The following TMCC2 variants were observed in gnomAD, a reference collection of about 807,000 sequenced individuals.
TMCC2 encodes the protein transmembrane and coiled-coil domains protein 2.
TMCC2 carries 16 observed loss-of-function variants against 49.4 expected under a neutral mutation model. The observed-to-expected ratio is 0.32, with a 90% CI of 0.22 to 0.49. The LOEUF (loss-of-function observed/expected upper bound fraction) is 0.49, where lower values mean the gene tolerates loss of function less well. Ranked by LOEUF, TMCC2 falls within the 20% of genes least tolerant of loss-of-function variation. The pLI is 0.99. For missense variants in TMCC2, 762 were observed against 989.8 expected (o/e 0.77, Z 3.09); for synonymous variants, 397 against 434.1 (o/e 0.91, Z 1.06).
chr1:205,255,043 C>T (rs974724910), intron 2 of TMCC2, among the ~76,000 whole-genome samples: 3 of 152,020 alleles, frequency 2.0e-5, no homozygotes, highest in African/African-American at 7.2e-5. Flanking sequence ...GAAACCCCAT[C>T]TCTGCAAAAA....
chr1:205,241,370 A>G lies in TMCC2; in HGVS notation c.208-135A>G. 1 of 1,002,554 alleles carries G rather than the reference A, an allele frequency of 1.0e-6. No homozygotes were observed. Among genetic ancestry groups the G allele is most frequent in the Non-Finnish European group, 1.5e-6 (1 of 687,960 alleles). 62.1% of individuals were successfully genotyped at this position (1,002,554 alleles called of 1,614,324 possible). The stretch of plus-strand genomic sequence containing the variant: ...CCTTTATGCACGACGGGCCATCCAC[A>G]GAGATCTTCCAGGTTCAGATGGCTG... On this transcript the variant is annotated intron_variant, in intron 1 of 4. Transcript: ENST00000358024. This position sits in a 1 kb window ranked among gnomAD's most constrained non-coding sequence, Gnocchi z 7.3.
chr1:205,252,625 C>T (rs1484993215), intron 2 of TMCC2, among the ~76,000 whole-genome samples: 3 of 152,210 alleles, frequency 2.0e-5, no homozygotes, highest in Non-Finnish European at 2.9e-5. Context: ...ATAAAAGAAG[C>T]CGCCAGCCTT....
At position 205,269,858 on chromosome 1, in the gene TMCC2, C is replaced by A. The variant is rs1661508941; in HGVS notation, c.1656C>A (p.Thr552=). The change falls in exon 3 of 5, where the codon ACC becomes ACA. Residue 552 remains threonine, a synonymous_variant. Coordinates refer to ENST00000358024, the MANE Select transcript of TMCC2 (RefSeq NM_014858.4). ...TGCAGAGGGACTACACCTACATGAC[C>A]CAGTGCCTGCAGGAGGAGCGCTACA... is the stretch of plus-strand genomic sequence containing the variant. ...TQLQRDYTYM[T]QCLQEERYRY... 2 of 1,613,502 alleles carry A rather than the reference C, an allele frequency of 1.2e-6. No homozygotes were observed. Among genetic ancestry groups the A allele is most frequent in the Admixed American group, 1.7e-5 (1 of 59,992 alleles).
At chr1:205,257,336 G>A (rs780434843) in intron 2 of TMCC2, 195 of 1,232,140 alleles carry the variant, frequency 1.6e-4, no homozygotes, top group Non-Finnish European at 1.9e-4. Flanking sequence ...CCTCATCGCC[G>A]GCACGGCTTC....
chr1:205,256,102 G>T, intron 2 of TMCC2: 1 of 920,452 alleles, frequency 1.1e-6, no homozygotes, highest in Non-Finnish European at 1.5e-6. Context: ...GATAGCACTG[G>T]GCCCTTATCT....
chr1:205,268,001 T>A (rs1661417250), intron 2 of TMCC2: 1 of 985,324 alleles, frequency 1.0e-6, no homozygotes, highest in Non-Finnish European at 1.2e-6. Context: ...TAGGAAGGAC[T>A]GGGGGCTTCC....
At chr1:205,265,078 C>A (rs2102602338) in intron 2 of TMCC2, among the ~76,000 whole-genome samples, 1 of 152,286 alleles carries the variant, frequency 6.6e-6, no homozygotes, top group Non-Finnish European at 1.5e-5. Flanking sequence ...ACCTTCATGT[C>A]ACCAAGGAGG....
chr1:205,235,610 C>T (rs1443886227), intron 1 of TMCC2, among the ~76,000 whole-genome samples: 2 of 152,170 alleles, frequency 1.3e-5, no homozygotes, highest in African/African-American at 2.4e-5. Context: ...GAAATGGCAT[C>T]TGCCTTTGAA....
rs1305558868 is a variant in TMCC2, at chr1:205,264,188, T to A, written c.748-4762T>A. On this transcript the variant is annotated intron_variant, in intron 2 of 4. Transcript: ENST00000358024. The surrounding 1 kb of genome is among the most constrained non-coding windows in gnomAD (Gnocchi z 4.2). Reference sequence around the variant, plus strand: ...TCCAGATTGCTTAAGTCTCATACAGTAAATAGTGTAGTATTTGCATAGAAC... The same window carrying A: ...TCCAGATTGCTTAAGTCTCATACAGAAAATAGTGTAGTATTTGCATAGAAC... Among the ~76,000 whole-genome samples, 1 of 152,258 alleles carries A rather than the reference T, an allele frequency of 6.6e-6. No homozygotes were observed. The highest frequency in any genetic ancestry group is 1.9e-4 in the East Asian group (1 of 5,202).
At chr1:205,233,991 C>G (rs1198630401) in intron 1 of TMCC2, 1 of 151,952 alleles carries the variant, frequency 6.6e-6, no homozygotes, top group Non-Finnish European at 1.5e-5. Flanking sequence ...CTGGGGCTCT[C>G]CAGGAGTGTT....
intron 2 of TMCC2, among the ~76,000 whole-genome samples, chr1:205,254,211 C>T (rs968204299): frequency 2.0e-5 from 3 of 152,220 alleles, no homozygotes; most frequent in Admixed American, 1.3e-4. Flanking sequence ...CACTGAAAGG[C>T]TCATCCAGTG....
rs553341272 is a variant in TMCC2 at position 205,230,237 on chromosome 1, G to A, written c.207+1466G>A. 46 of 887,202 alleles carry A rather than the reference G, an allele frequency of 5.2e-5. No homozygotes were observed. The African/African-American group carries it at 8.0e-4, about 15-fold the overall frequency. 55.0% of individuals were successfully genotyped at this position (887,202 alleles called of 1,614,324 possible). A position where few individuals can be genotyped will look rare whatever the true frequency, so the allele number is the denominator to read the frequency against. On this transcript the variant is annotated intron_variant, in intron 1 of 4. Transcript: ENST00000358024. ...TGCCTTGGGGAGGAGTGAAAAGGGG[G>A]ACGACTAGGTTATTGTTGTGTGTGT...
chr1:205,250,311 T>C (rs892230434), intron 2 of TMCC2, among the ~76,000 whole-genome samples: 21 of 151,904 alleles, frequency 1.4e-4, no homozygotes, highest in East Asian at 5.8e-4. Context: ...GAGGCCGAGG[T>C]GGGTGTATCA....
rs188887676 is a variant in TMCC2, at chr1:205,257,180, C to G, written c.748-11770C>G. On this transcript the variant is annotated intron_variant, in intron 2 of 4. Coordinates refer to ENST00000358024, the MANE Select transcript of TMCC2 (RefSeq NM_014858.4). ...TCTCCTAGAGCAATCCGCCCCTAAT[C>G]CCCAGGCTGTGCCTCAGTCTGGAGA... 9.1e-5 allele frequency: 112 copies of G among 1,232,514 alleles called. No individual in the cohort carries two copies. The African/African-American group carries it at 1.7e-3, about 19-fold the overall frequency. 76.3% of individuals were successfully genotyped at this position (1,232,514 alleles called of 1,614,324 possible).
At chr1:205,266,610 TA>T (rs61698539) in intron 2 of TMCC2, among the ~76,000 whole-genome samples, 6,522 of 131,508 alleles carry the variant, frequency 0.05, 177 homozygotes, top group African/African-American at 0.085. Flanking sequence ...AAAAAACAAA[TA>T]AAAAAAAAAA....
At position 205,269,303 on chromosome 1, in the gene TMCC2, C is replaced by T. The variant is rs778344436; in HGVS notation, c.1101C>T (p.Asn367=). 58 of 1,613,396 alleles carry T rather than the reference C, an allele frequency of 3.6e-5. No homozygotes were observed. The highest frequency in any genetic ancestry group is 2.2e-4 in the Admixed American group (13 of 60,000). Residue 367 remains asparagine, a synonymous_variant, in exon 3 of 5, where the codon AAC becomes AAT. Transcript: ENST00000358024. ...YRRRLKEIEQ[N]GPSRQPKDVL... ...GGCGCCTGAAGGAGATTGAGCAGAA[C>T]GGGCCCTCGCGGCAGCCCAAGGACG...
rs370508725 is a variant in TMCC2, at chr1:205,255,427, C to T, written c.747+13383C>T. 5.7e-4 allele frequency among the ~76,000 whole-genome samples: 87 copies of T among 152,158 alleles called. 1 individual carries two copies. Among genetic ancestry groups the T allele is most frequent in the African/African-American group, 2.0e-3 (81 of 41,492 alleles). On this transcript the variant is annotated intron_variant, in intron 2 of 4. Coordinates refer to ENST00000358024, the MANE Select transcript of TMCC2 (RefSeq NM_014858.4). ...AAAATTAGCTGGGCGTGGTGGTGCA[C>T]GCCTGTAGTCCCAGCTACTTGGGAG...
chr1:205,229,540 AGGGGCGG>A, intron 1 of TMCC2: 26 of 525,896 alleles, frequency 4.9e-5, no homozygotes, highest in Non-Finnish European at 5.4e-5. Context: ...CGATCTGTGA[AGGGGCGG>A]GGGGGGGGGG....
At chr1:205,265,187 G>C (rs1661273371) in intron 2 of TMCC2, among the ~76,000 whole-genome samples, 1 of 152,188 alleles carries the variant, frequency 6.6e-6, no homozygotes, top group African/African-American at 2.4e-5. Context: ...GGGTGGACGA[G>C]GGGGCCAGGG....
Sources: gnomAD v4.1 joint callset for allele counts (sites outside exome capture counted in the v4.1 genomes callset) on GRCh38, gnomAD v4.1.1 for gene constraint, Gnocchi (gnomAD v3.1) non-coding constraint, MANE v1.5 for transcripts, NCBI Gene and HGNC (gene_info 2026-07-23, HGNC 2026-07-21) for gene names.